The following TSPAN11 variants were observed in gnomAD, a reference collection of about 807,000 sequenced individuals.
TSPAN11 encodes the protein tetraspanin 11.
In TSPAN11, 29 loss-of-function variants were observed where a neutral mutation model predicts 32.9. The observed-to-expected ratio is 0.88, with a 90% CI of 0.66 to 1.20. The LOEUF is 1.20. Ranked by LOEUF, TSPAN11 falls within the 50% of genes most tolerant of loss-of-function variation. The pLI, the probability that TSPAN11 is intolerant of heterozygous loss-of-function variation, is 0.00. For synonymous variants in TSPAN11, 140 were observed against 141.3 expected (o/e 0.99, Z 0.07); for missense variants, 283 against 329.1 (o/e 0.86, Z 1.08).
At chr12:30,972,197 C>T (rs1479658072) in intron 3 of TSPAN11, among the ~76,000 whole-genome samples, 1 of 152,130 alleles carries the variant, frequency 6.6e-6, no homozygotes, top group African/African-American at 2.4e-5. Flanking sequence ...GCAGACCAGT[C>T]ACAGAAACCA....
chr12:30,985,257 C>T (rs1484355538), intron 7 of TSPAN11, among the ~76,000 whole-genome samples: 1 of 152,054 alleles, frequency 6.6e-6, no homozygotes, highest in Non-Finnish European at 1.5e-5. Context: ...CTAGTTATAC[C>T]TTATCTGCTT....
the TSPAN11 span, among the ~76,000 whole-genome samples, chr12:31,002,692 C>T: frequency 6.6e-6 from 1 of 152,198 alleles, no homozygotes; most frequent in African/African-American, 2.4e-5. The surrounding 1 kb of genome is among the most constrained non-coding windows in gnomAD (Gnocchi z 4.8). Context: ...CATCCTGTGC[C>T]ATGTCCCTGC....
chr12:30,959,719 G>T (rs56277475), intron 2 of TSPAN11, among the ~76,000 whole-genome samples: 26,071 of 149,740 alleles, frequency 0.17, 2,435 homozygotes, highest in African/African-American at 0.2. Context: ...GGCGGAGGTT[G>T]CAGTGAGCCG....
chr12:30,965,951 A>G (rs1361762820), intron 3 of TSPAN11, among the ~76,000 whole-genome samples: 2 of 152,102 alleles, frequency 1.3e-5, no homozygotes, highest in Non-Finnish European at 2.9e-5. Context: ...CATGCAGCCC[A>G]GGACAGCTTT....
chr12:30,963,867 G>A lies in TSPAN11; in HGVS notation c.126G>A (p.Leu42=). ...TCCTGGCTGTGGGCATCTGGACCCTGGTGGAGAAGAGTGGCTACCTCAGCG... is the reference window on the plus strand; with the variant it reads ...TCCTGGCTGTGGGCATCTGGACCCTAGTGGAGAAGAGTGGCTACCTCAGCG... ...AAVLAVGIWT[L]VEKSGYLSVL... is the part of the protein sequence containing the mutation. Residue 42 remains leucine, a synonymous_variant, in exon 3 of 8, where the codon CTG becomes CTA. Coordinates refer to ENST00000546076, the MANE Select transcript of TSPAN11 (RefSeq NM_001370302.1). 6.2e-7 allele frequency: 1 copy of A among 1,612,090 alleles called. No homozygotes were observed.
At chr12:30,960,442 C>G (rs1482498269) in intron 2 of TSPAN11, among the ~76,000 whole-genome samples, 1 of 151,972 alleles carries the variant, frequency 6.6e-6, no homozygotes, top group East Asian at 1.9e-4. Flanking sequence ...CCATCCCTTT[C>G]CTTCCTTCAT....
Position 30,979,587 on chromosome 12 carries a change from C to T in TSPAN11, c.373C>T (p.His125Tyr), listed in dbSNP as rs1324583565. Residue 125 changes from histidine to tyrosine, a missense_variant, in exon 5 of 8, where the codon CAC (histidine) becomes TAC (tyrosine). His to Tyr is a moderately conservative substitution (Grantham distance 83). Coordinates refer to ENST00000546076, the MANE Select transcript of TSPAN11 (RefSeq NM_001370302.1). Reference protein sequence around the residue: ...YQRLSDELKQHLNRTLAENYG... With the variant: ...YQRLSDELKQYLNRTLAENYG... The stretch of plus-strand genomic sequence containing the variant: ...TCAGCTGAGTGATGAACTGAAGCAG[C>T]ACTTGAACCGGACTCTGGCTGAGAA... 1.2e-6 allele frequency: 2 copies of T among 1,614,190 alleles called. No individual in the cohort carries two copies. Among genetic ancestry groups the T allele is most frequent in the South Asian group, 2.2e-5 (2 of 91,084 alleles).
chr12:31,007,302 C>A, the TSPAN11 span, among the ~76,000 whole-genome samples: 749 of 152,174 alleles, frequency 4.9e-3, 2 homozygotes, highest in Non-Finnish European at 7.9e-3. Flanking sequence ...CCTGAGCAGA[C>A]CACAGCCCGG....
the TSPAN11 span, among the ~76,000 whole-genome samples, chr12:31,006,817 T>C: frequency 1.3e-5 from 2 of 152,266 alleles, no homozygotes. Context: ...CCCTATGGCA[T>C]TTTTTTCTTG....
At chr12:30,997,464 T>A (rs1293284689), downstream of TSPAN11, 2 of 152,586 alleles carry the variant, frequency 1.3e-5, no homozygotes, top group African/African-American at 4.8e-5. Flanking sequence ...AAACTTATAA[T>A]CATGGCAGAA....
At chr12:30,990,732 T>C (rs1939296037) in intron 7 of TSPAN11, among the ~76,000 whole-genome samples, 1 of 152,142 alleles carries the variant, frequency 6.6e-6, no homozygotes, top group Admixed American at 6.5e-5. Context: ...TCCCACTGGA[T>C]AGAGCTCCAC....
At chr12:31,001,130 T>A (rs1296805644), downstream of TSPAN11, among the ~76,000 whole-genome samples, 1 of 152,196 alleles carries the variant, frequency 6.6e-6, no homozygotes, top group Non-Finnish European at 1.5e-5. Flanking sequence ...CCATCACATT[T>A]GGGCTGAAAA....
At chr12:30,956,590 T>C (rs1938482909) in intron 2 of TSPAN11, among the ~76,000 whole-genome samples, 2 of 152,042 alleles carry the variant, frequency 1.3e-5, no homozygotes, top group African/African-American at 2.4e-5. Context: ...CTGATGTCGA[T>C]TGGATGATCC....
chr12:30,999,742 C>T (rs1325931539), downstream of TSPAN11, among the ~76,000 whole-genome samples: 1 of 152,064 alleles, frequency 6.6e-6, no homozygotes, highest in African/African-American at 2.4e-5. Context: ...TGGACTGGCC[C>T]TGCTCTGGAT....
chr12:30,957,240 C>G lies in TSPAN11; in HGVS notation c.84+3165C>G, dbSNP rs1021659213. 2.0e-3 allele frequency among the ~76,000 whole-genome samples: 286 copies of G among 143,416 alleles called. 3 individuals are homozygous for G. The highest frequency in any genetic ancestry group is 9.9e-3 in the South Asian group (42 of 4,226). The allele number at this position is 143,416 out of a possible 152,430, so 94.1% of individuals were successfully genotyped here. On this transcript the variant is annotated intron_variant, in intron 2 of 7. Coordinates refer to ENST00000546076, the MANE Select transcript of TSPAN11 (RefSeq NM_001370302.1). The stretch of plus-strand genomic sequence containing the variant: ...TGAATGGCCTGGGACCCCCCCCCCC[C>G]CCACACCATGGTCTTCTGCCCCTCT...
intron 7 of TSPAN11, among the ~76,000 whole-genome samples, chr12:30,987,200 T>C (rs1939216879): frequency 6.6e-6 from 1 of 152,064 alleles, no homozygotes; most frequent in South Asian, 2.1e-4. Context: ...ACTGCACTGG[T>C]AGAAATCATG....
chr12:30,960,430 C>T (rs1938588944), intron 2 of TSPAN11, among the ~76,000 whole-genome samples: 1 of 151,980 alleles, frequency 6.6e-6, no homozygotes, highest in Non-Finnish European at 1.5e-5. Flanking sequence ...CTGGCTCCTG[C>T]CCCATCCCTT....
chr12:30,979,698 G>C lies in TSPAN11; in HGVS notation c.456+28G>C, dbSNP rs775804558. 11 of 1,610,276 alleles carry C rather than the reference G, an allele frequency of 6.8e-6. No individual in the cohort carries two copies. The African/African-American group carries it at 1.2e-4, about 18-fold the overall frequency. ...AAGCCATGCCCCATATGGCCTTGAA[G>C]GCCAAGCCCACAAGGATTCAAATCC... On this transcript the variant is annotated intron_variant, in intron 5 of 7. Coordinates refer to ENST00000546076, the MANE Select transcript of TSPAN11 (RefSeq NM_001370302.1).
intron 7 of TSPAN11, among the ~76,000 whole-genome samples, chr12:30,990,302 C>T (rs1939286557): frequency 6.6e-6 from 1 of 152,204 alleles, no homozygotes; most frequent in South Asian, 2.1e-4. Context: ...CCAGTCCTCC[C>T]CCAGCAGGAG....
Sources: allele counts gnomAD v4.1 joint callset (sites outside exome capture counted in the v4.1 genomes callset), GRCh38; gene constraint gnomAD v4.1.1; non-coding constraint Gnocchi (gnomAD v3.1); transcripts MANE v1.5; gene names NCBI Gene and HGNC (gene_info 2026-07-23, HGNC 2026-07-21).